The following GEMIN6 variants were observed in gnomAD, a reference collection of about 807,000 sequenced individuals.
GEMIN6 encodes gem nuclear organelle associated protein 6.
Under a neutral mutation model 14.1 loss-of-function variants are expected in GEMIN6, and 13 were observed. That is an observed-to-expected ratio of 0.92 (90% CI 0.60 to 1.46). GEMIN6 has a LOEUF of 1.46. GEMIN6 is among the 40% of genes most tolerant of loss of function. GEMIN6 has a pLI of 0.00. For synonymous variants in GEMIN6, 87 were observed against 70.0 expected, an observed-to-expected ratio of 1.24 and a Z score of -1.21; for missense variants, 271 against 202.4, an observed-to-expected ratio of 1.34 and a Z score of -2.06.
intron 2 of GEMIN6, among the ~76,000 whole-genome samples, chr2:38,779,658 ATATATATTTTTTT>A (rs1669035035): frequency 3.4e-5 from 1 of 29,572 alleles, no homozygotes; most frequent in Non-Finnish European, 7.2e-5. Context: ...ATATATATAT[ATATATATTTTTTT>A]TTTTTTTTTT....
intron 2 of GEMIN6, among the ~76,000 whole-genome samples, chr2:38,779,883 A>G (rs1168076706): frequency 2.7e-5 from 4 of 149,406 alleles, no homozygotes; most frequent in African/African-American, 9.8e-5. Flanking sequence ...GGGTTTCGCT[A>G]TGTTGGCCAG....
chr2:38,778,888 C>A, intron 1 of GEMIN6, 84 bp from the exon 2 acceptor site: 1 of 1,194,804 alleles, frequency 8.4e-7, no homozygotes, highest in Non-Finnish European at 1.2e-6. Context: ...CAGATGTTCT[C>A]TGTCTCTAGG....
At chr2:38,780,013 T>C (rs574878436) in intron 2 of GEMIN6, among the ~76,000 whole-genome samples, 17 of 151,096 alleles carry the variant, frequency 1.1e-4, no homozygotes, top group Admixed American at 2.0e-4. Flanking sequence ...CTTCACTATA[T>C]CTCTTAAAAG....
rs755048311 is a variant in GEMIN6 at position 38,778,956 on chromosome 2, C to G, written c.-19-16C>G. On this transcript the variant is annotated splice_polypyrimidine_tract_variant and intron_variant, in intron 1 of 2. Transcript: ENST00000281950. ...TACGTGGAACATATATTAACCAGCA[C>G]TGGTGGTTGTTTCAGATTTAGCCAG... 9 of 1,598,850 alleles carry G rather than the reference C, an allele frequency of 5.6e-6. No individual in the cohort carries two copies. Among genetic ancestry groups the G allele is most frequent in the South Asian group, 1.1e-5 (1 of 88,576 alleles).
At chr2:38,779,664 ATTTTT>A (rs1166903482) in intron 2 of GEMIN6, among the ~76,000 whole-genome samples, 40 of 20,752 alleles carry the variant, frequency 1.9e-3, no homozygotes, top group African/African-American at 7.3e-3. Flanking sequence ...ATATATATAT[ATTTTT>A]TTTTTTTTTT....
chr2:38,779,231 T>C (rs1421623965), intron 2 of GEMIN6, 113 bp downstream of exon 2: 2 of 1,186,682 alleles, frequency 1.7e-6, no homozygotes, highest in Non-Finnish European at 2.4e-6. Context: ...TATTTTCATA[T>C]AAGAATTTTT....
At chr2:38,780,737 TC>T (rs1168647733) in intron 2 of GEMIN6, among the ~76,000 whole-genome samples, 2 of 151,692 alleles carry the variant, frequency 1.3e-5, no homozygotes, top group African/African-American at 4.8e-5. Flanking sequence ...CAAGTGATTC[TC>T]CTGCCTCAGC....
rs1669116749 is a variant in GEMIN6, at chr2:38,782,638, A to G, written c.*746A>G. On this transcript the variant is annotated 3_prime_UTR_variant, in exon 3 of 3. Transcript: ENST00000281950. ...GTGAAACCCCTTCTCTACTAAAAATACAAAAAAAATTAGCCGGGCGTGGTG... is the reference window on the plus strand; with the variant it reads ...GTGAAACCCCTTCTCTACTAAAAATGCAAAAAAAATTAGCCGGGCGTGGTG... 6.6e-6 allele frequency: 1 copy of G among 151,500 alleles called. No individual in the cohort carries two copies. Among genetic ancestry groups the G allele is most frequent in the Non-Finnish European group, 1.5e-5 (1 of 67,938 alleles). The allele number at this position is 151,500 out of a possible 1,614,324, so 9.4% of individuals were successfully genotyped here. A position where few individuals can be genotyped will look rare whatever the true frequency, so the allele number is the denominator to read the frequency against.
At chr2:38,780,314 C>T (rs891540868) in intron 2 of GEMIN6, among the ~76,000 whole-genome samples, 10 of 148,072 alleles carry the variant, frequency 6.8e-5, no homozygotes, top group African/African-American at 2.0e-4. Context: ...AGCAAGACTC[C>T]GTCTCAAAAA....
intron 2 of GEMIN6, among the ~76,000 whole-genome samples, chr2:38,779,659 TA>T (rs1476888608): frequency 0.094 from 3,281 of 34,882 alleles, 308 homozygotes; most frequent in Non-Finnish European, 0.16. Flanking sequence ...TATATATATA[TA>T]TATATTTTTT....
intron 1 of GEMIN6, 75 bp from the exon 2 acceptor site, chr2:38,778,897 G>T: frequency 7.7e-7 from 1 of 1,298,068 alleles, no homozygotes; most frequent in Non-Finnish European, 1.1e-6. Flanking sequence ...TCTGTCTCTA[G>T]GATAGGATGG....
chr2:38,779,922 A>G (rs1443710835), intron 2 of GEMIN6, among the ~76,000 whole-genome samples: 5 of 150,462 alleles, frequency 3.3e-5, no homozygotes, highest in African/African-American at 1.2e-4. Context: ...ACCTCAGGTG[A>G]TCTGCCCACC....
chr2:38,778,975 T>C lies in GEMIN6; in HGVS notation c.-16T>C, dbSNP rs201922909. On this transcript the variant is annotated 5_prime_UTR_variant, in exon 2 of 3. Coordinates refer to ENST00000281950, the MANE Select transcript of GEMIN6 (RefSeq NM_024775.10). ...CCAGCACTGGTGGTTGTTTCAGATT[T>C]AGCCAGGTGGCAATCATGAGTGAAT... is the stretch of plus-strand genomic sequence containing the variant. 4,438 of 1,605,784 alleles carry C rather than the reference T, an allele frequency of 2.8e-3. 18 individuals carry two copies. The highest frequency in any genetic ancestry group is 3.5e-3 in the Admixed American group (204 of 58,100).
intron 1 of GEMIN6, 31 bp from the exon 2 acceptor site, chr2:38,778,941 A>G (rs1460815889): frequency 2.6e-6 from 4 of 1,566,296 alleles, no homozygotes; most frequent in Non-Finnish European, 3.5e-6. Context: ...TACGTGGAAC[A>G]TATATTAACC....
Sources: allele counts gnomAD v4.1 joint callset (sites outside exome capture counted in the v4.1 genomes callset), GRCh38; gene constraint gnomAD v4.1.1; transcripts MANE v1.5; gene names NCBI Gene and HGNC (gene_info 2026-07-23, HGNC 2026-07-21).